Variants in SCLY observed in about 807,000 individuals in gnomAD.
SCLY encodes the protein selenocysteine lyase, also known as putative selenocysteine lyase.
SCLY carries 38 observed loss-of-function variants against 50.1 expected under a neutral mutation model. The ratio of observed to expected loss-of-function variants is 0.76; its 90% CI spans 0.59 to 0.99. The LOEUF (loss-of-function observed/expected upper bound fraction) is 0.99. SCLY is among the 50% of genes least tolerant of loss of function. The pLI, the probability that SCLY is intolerant of heterozygous loss-of-function variation, is 0.00. For missense variants in SCLY, 600 were observed against 620.0 expected (o/e 0.97, Z 0.34); for synonymous variants, 243 against 249.4 (o/e 0.97, Z 0.24).
At chr2:238,077,465 G>A (rs1422028382) in intron 4 of SCLY, among the ~76,000 whole-genome samples, 1 of 152,198 alleles carries the variant, frequency 6.6e-6, no homozygotes, top group Non-Finnish European at 1.5e-5. Flanking sequence ...ATCTTGCAGG[G>A]CTGACACTAT....
intron 7 of SCLY, among the ~76,000 whole-genome samples, chr2:238,085,544 C>G (rs1333562450): frequency 6.6e-6 from 1 of 151,390 alleles, no homozygotes; most frequent in East Asian, 1.9e-4. Context: ...CGGTGAAACC[C>G]CATCTCTACT....
intron 7 of SCLY, among the ~76,000 whole-genome samples, chr2:238,084,906 A>AAAAAG: frequency 7.4e-6 from 1 of 135,034 alleles, no homozygotes; most frequent in South Asian, 2.3e-4. Context: ...AAAAAAAAAA[A>AAAAAG]AAAAAGAAAC....
intron 2 of SCLY, 54 bp from the exon 3 acceptor site, chr2:238,068,011 G>C: frequency 7.4e-7 from 1 of 1,348,284 alleles, no homozygotes; most frequent in Non-Finnish European, 1.1e-6. Flanking sequence ...TTTTAGATGC[G>C]TTGATTGAGC....
Position 238,099,146 on chromosome 2 carries a change from G to A in SCLY, c.*791G>A, listed in dbSNP as rs528975750. 5.5e-5 allele frequency: 23 copies of A among 421,290 alleles called. No individual in the cohort carries two copies. Among genetic ancestry groups the A allele is most frequent in the African/African-American group, 1.7e-4 (8 of 48,256 alleles). 26.1% of individuals were successfully genotyped at this position (421,290 alleles called of 1,614,324 possible). A position where few individuals can be genotyped will look rare whatever the true frequency, so the allele number is the denominator to read the frequency against. Reference sequence around the variant, plus strand: ...AACTCAGGGTTTCAGCTCCAACCTCGCTGAGTTGGTGCAGCTCCAGGTCAT... The same window carrying A: ...AACTCAGGGTTTCAGCTCCAACCTCACTGAGTTGGTGCAGCTCCAGGTCAT... On this transcript the variant is annotated 3_prime_UTR_variant, in exon 12 of 12. Transcript: ENST00000254663.
At chr2:238,086,156 G>C (rs1267999492) in intron 7 of SCLY, among the ~76,000 whole-genome samples, 3 of 152,198 alleles carry the variant, frequency 2.0e-5, no homozygotes, top group African/African-American at 4.8e-5. Context: ...CCTGTACCCA[G>C]TGAATATATC....
intron 7 of SCLY, among the ~76,000 whole-genome samples, chr2:238,090,044 A>G (rs368489985): frequency 6.6e-6 from 1 of 152,222 alleles, no homozygotes; most frequent in African/African-American, 2.4e-5. Context: ...GGTATCTAGA[A>G]TATATAAAGA....
At chr2:238,063,944 C>T (rs988859925) in intron 1 of SCLY, among the ~76,000 whole-genome samples, 1 of 152,060 alleles carries the variant, frequency 6.6e-6, no homozygotes, top group Non-Finnish European at 1.5e-5. Flanking sequence ...CTGTGTTGCC[C>T]GGGCTGGAGT....
chr2:238,086,035 T>C (rs2264132), intron 7 of SCLY, among the ~76,000 whole-genome samples: 114,208 of 152,062 alleles, frequency 0.75, 43,268 homozygotes, highest in Non-Finnish European at 0.8. Flanking sequence ...TTCACCAGTA[T>C]GGGAAAAAGA....
chr2:238,097,466 G>A (rs934157053), intron 11 of SCLY, among the ~76,000 whole-genome samples: 13 of 152,144 alleles, frequency 8.5e-5, no homozygotes, highest in Non-Finnish European at 1.6e-4. Flanking sequence ...CGGAGTGGAC[G>A]CAGGAGGAAC....
chr2:238,063,660 C>T (rs974404151), intron 1 of SCLY, among the ~76,000 whole-genome samples: 1 of 152,184 alleles, frequency 6.6e-6, no homozygotes. Flanking sequence ...AGGTCTGGGG[C>T]CAAAGTTCAC....
At position 238,081,777 on chromosome 2, in the gene SCLY, C is replaced by T. The variant is rs140009501; in HGVS notation, c.553C>T (p.Arg185Cys). The part of the protein sequence containing the change: ...AEVDDILAAV[R>C]PTTRLVTIML... ...GGTGGACGACATCCTCGCGGCAGTC[C>T]GCCCGACCACACGCCTCGTGACCAT... The change falls in exon 5 of 12, where the codon CGC becomes TGC. Residue 185 changes from arginine to cysteine, a missense_variant. By Grantham distance (180) the Arg-to-Cys change is radical. Transcript: ENST00000254663. 49 of 1,614,054 alleles carry T rather than the reference C, an allele frequency of 3.0e-5. No homozygotes were observed. The highest frequency in any genetic ancestry group is 1.6e-4 in the East Asian group (7 of 44,894).
chr2:238,093,779 G>T (rs2065394371), intron 8 of SCLY, 82 bp from the exon 9 acceptor site: 1 of 1,283,322 alleles, frequency 7.8e-7, no homozygotes, highest in Non-Finnish European at 1.1e-6. Context: ...TTCAGGAAAT[G>T]CCACCTGTAC....
At position 238,072,069 on chromosome 2, in the gene SCLY, A is replaced by G. The variant is rs2065133592; in HGVS notation, c.484+2592A>G. 2.6e-5 allele frequency among the ~76,000 whole-genome samples: 4 copies of G among 151,758 alleles called. No individual in the cohort carries two copies. In the South Asian group the frequency reaches 6.2e-4, roughly 24 times the overall value. On this transcript the variant is annotated intron_variant, in intron 4 of 11. Transcript: ENST00000254663. ...TAACTGTAAATCTTCATTTCCCTCA[A>G]CTCTAGGCAACCACTCATCTACTTT...
chr2:238,085,504 G>T (rs1388964253), intron 7 of SCLY, among the ~76,000 whole-genome samples: 1 of 151,320 alleles, frequency 6.6e-6, no homozygotes, highest in African/African-American at 2.4e-5. Flanking sequence ...GGATCACAAG[G>T]TCAGGAGATC....
intron 1 of SCLY, 99 bp from the exon 2 acceptor site, chr2:238,064,258 C>T: frequency 1.6e-6 from 1 of 638,742 alleles, no homozygotes; most frequent in Non-Finnish European, 2.6e-6. Context: ...ATGCCCTTGA[C>T]ATTATTTGCT....
At position 238,067,881 on chromosome 2, in the gene SCLY, G is replaced by A. The variant is rs188535971; in HGVS notation, c.203-184G>A. Among the ~76,000 whole-genome samples the A allele has an allele frequency of 2.9e-3, 439 of 152,218 alleles. 2 individuals are homozygous for A. Among genetic ancestry groups the A allele is most frequent in the Non-Finnish European group, 5.0e-3 (337 of 68,028 alleles). On this transcript the variant is annotated intron_variant, in intron 2 of 11. Coordinates refer to ENST00000254663, the MANE Select transcript of SCLY (RefSeq NM_016510.7). This position sits in a 1 kb window ranked among gnomAD's most constrained non-coding sequence, Gnocchi z 4.3. Reference sequence around the variant, plus strand: ...TTGGTCCCTGGTTCGCTGCTGTCTCGGCCGCCCCTTTGCCGGGTTGTGTCT... The same window carrying A: ...TTGGTCCCTGGTTCGCTGCTGTCTCAGCCGCCCCTTTGCCGGGTTGTGTCT...
In SCLY at chr2:238,083,055, G is replaced by T. The variant is rs775869586; in HGVS notation, c.778-193G>T. ...TAGCACCTGCGCTGCCTCCTAGGTT[G>T]GGGTTCCACCCTGCCCCGAAGGCTT... On this transcript the variant is annotated intron_variant, in intron 6 of 11. Transcript: ENST00000254663. This position sits in a 1 kb window ranked among gnomAD's most constrained non-coding sequence, Gnocchi z 4.3. 2 of 673,090 alleles carry T rather than the reference G, an allele frequency of 3.0e-6. No homozygotes were observed. Among genetic ancestry groups the T allele is most frequent in the African/African-American group, 1.8e-5 (1 of 56,264 alleles). 41.7% of individuals were successfully genotyped at this position (673,090 alleles called of 1,614,324 possible).
intron 1 of SCLY, among the ~76,000 whole-genome samples, chr2:238,061,776 A>T (rs1426975807): frequency 2.0e-5 from 3 of 152,216 alleles, no homozygotes. Context: ...GCCCAGCTGC[A>T]GGAAACGGGA....
chr2:238,061,165 C>T (rs1308049447), intron 1 of SCLY, 22 bp downstream of exon 1: 1 of 1,479,934 alleles, frequency 6.8e-7, no homozygotes, highest in Non-Finnish European at 9.1e-7. Flanking sequence ...TAGGGCAGGG[C>T]TGGGGAGCGG....
Sources: gnomAD v4.1 joint callset for allele counts (sites outside exome capture counted in the v4.1 genomes callset) on GRCh38, gnomAD v4.1.1 for gene constraint, Gnocchi (gnomAD v3.1) non-coding constraint, MANE v1.5 for transcripts, NCBI Gene and HGNC (gene_info 2026-07-23, HGNC 2026-07-21) for gene names.